Variants in TENM3 observed in about 807,000 individuals in gnomAD.
TENM3 encodes teneurin transmembrane protein 3.
A neutral mutation model predicts 255.1 loss-of-function variants in TENM3; 63 were observed. The observed-to-expected ratio is 0.25, with a 90% CI of 0.20 to 0.30. TENM3 has a LOEUF of 0.30. Among genes scored for constraint, TENM3 ranks in the 10% least tolerant of loss-of-function variants. The probability of loss-of-function intolerance (pLI) is 1.00; values close to 1 mark genes in which losing one functional copy is unlikely to be tolerated. For synonymous variants in TENM3, 1,306 were observed against 1,322.3 expected, an observed-to-expected ratio of 0.99 and a Z score of 0.27; for missense variants, 2,929 against 3,461.1, an observed-to-expected ratio of 0.85 and a Z score of 3.86.
intron 3 of TENM3, among the ~76,000 whole-genome samples, chr4:182,489,832 TTTCTTCC>T (rs1373332796): frequency 1.1e-5 from 1 of 87,530 alleles, no homozygotes; most frequent in African/African-American, 4.5e-5. Flanking sequence ...CCTCCCTTCC[TTTCTTCC>T]TCCCTCCTTC....
At chr4:182,674,288 TCA>T (rs897745424) in intron 7 of TENM3, among the ~76,000 whole-genome samples, 114 of 152,272 alleles carry the variant, frequency 7.5e-4, no homozygotes, top group African/African-American at 2.6e-3. Flanking sequence ...AGAAAAGTTA[TCA>T]CATATTAATA....
chr4:182,508,795 G>C (rs1175120588), intron 3 of TENM3, among the ~76,000 whole-genome samples: 1 of 152,170 alleles, frequency 6.6e-6, no homozygotes, highest in Non-Finnish European at 1.5e-5. Context: ...AAGCTTTCCA[G>C]CTTCCTACCT....
Position 182,793,081 on chromosome 4 carries a change from C to G in TENM3, c.6409C>G (p.Gln2137Glu). 3.1e-6 allele frequency: 5 copies of G among 1,613,964 alleles called. No homozygotes were observed. The highest frequency in any genetic ancestry group is 4.2e-6 in the Non-Finnish European group (5 of 1,179,886). The change falls in exon 26 of 28, where the codon CAG becomes GAG. Residue 2137 changes from glutamine to glutamate, a missense_variant. This residue lies in a region of TENM3 where 256 missense variants were observed against 389.3 expected (regional missense o/e 0.66). Coordinates refer to ENST00000511685, the MANE Select transcript of TENM3 (RefSeq NM_001080477.4). This position sits in a 1 kb window ranked among gnomAD's most constrained non-coding sequence, Gnocchi z 5.7. ...KYAYEYDVDG[Q>E]LQTVYLNEKI... Reference sequence around the variant, plus strand: ...TGCTTATGAATATGATGTTGATGGACAGCTCCAAACAGTTTACCTCAATGA... The same window carrying G: ...TGCTTATGAATATGATGTTGATGGAGAGCTCCAAACAGTTTACCTCAATGA...
At chr4:182,408,875 T>C (rs1017224026) in intron 3 of TENM3, among the ~76,000 whole-genome samples, 1 of 152,170 alleles carries the variant, frequency 6.6e-6, no homozygotes, top group African/African-American at 2.4e-5. Context: ...GCAGCCTCCT[T>C]CCCGTTAAAT....
chr4:181,515,617 G>T, the TENM3 span, among the ~76,000 whole-genome samples: 1 of 152,036 alleles, frequency 6.6e-6, no homozygotes, highest in Non-Finnish European at 1.5e-5. Context: ...TTCGAATTGT[G>T]TCTAGGGGTT....
At chr4:182,722,224 T>C (rs1405908161) in intron 13 of TENM3, among the ~76,000 whole-genome samples, 5 of 152,172 alleles carry the variant, frequency 3.3e-5, no homozygotes, top group Non-Finnish European at 5.9e-5. Flanking sequence ...AGAACATTTT[T>C]AAGTACCTAT....
At chr4:181,605,022 T>C in the TENM3 span, among the ~76,000 whole-genome samples, 1 of 152,234 alleles carries the variant, frequency 6.6e-6, no homozygotes, top group Non-Finnish European at 1.5e-5. Flanking sequence ...TGTAATATAG[T>C]CATGTAATCT....
At chr4:182,229,600 G>A (rs56826886) in intron 1 of TENM3, among the ~76,000 whole-genome samples, 4,332 of 151,764 alleles carry the variant, frequency 0.029, 194 homozygotes, top group African/African-American at 0.097. Context: ...GTGTGTGCGT[G>A]TGTATGTGTG....
chr4:182,653,357 G>A (rs1753491693), intron 5 of TENM3, among the ~76,000 whole-genome samples: 1 of 152,174 alleles, frequency 6.6e-6, no homozygotes, highest in African/African-American at 2.4e-5. Flanking sequence ...AGAGGATCAT[G>A]TCTCTTAAGA....
chr4:181,680,958 G>A, the TENM3 span, among the ~76,000 whole-genome samples: 1 of 152,080 alleles, frequency 6.6e-6, no homozygotes. Context: ...CAGCTAAAAT[G>A]TGAGCTAGAA....
At chr4:182,133,828 A>T in the TENM3 span, among the ~76,000 whole-genome samples, 2 of 152,238 alleles carry the variant, frequency 1.3e-5, no homozygotes, top group Non-Finnish European at 2.9e-5. Context: ...TAATAGGGAA[A>T]TGTTAAAACT....
At chr4:181,564,726 T>G in the TENM3 span, among the ~76,000 whole-genome samples, 2 of 152,206 alleles carry the variant, frequency 1.3e-5, no homozygotes, top group Non-Finnish European at 2.9e-5. Context: ...TTAAACCCAG[T>G]CAATCACTAT....
At chr4:181,703,165 G>A in the TENM3 span, among the ~76,000 whole-genome samples, 1 of 152,158 alleles carries the variant, frequency 6.6e-6, no homozygotes, top group Non-Finnish European at 1.5e-5. Flanking sequence ...GTCACTAAAG[G>A]ACACTGCCCC....
At position 182,542,875 on chromosome 4, in the gene TENM3, GCATT is replaced by G. The variant is rs375788806; in HGVS notation, c.512-58048_512-58045del. ...AATGAAAGTTTAAGCTTTTAACTAT[GCATT>G]AAGCTGTTGAATCCTCACAACAATT... On this transcript the variant is annotated intron_variant, in intron 3 of 27. Coordinates refer to ENST00000511685, the MANE Select transcript of TENM3 (RefSeq NM_001080477.4). Among the ~76,000 whole-genome samples the G allele has an allele frequency of 2.0e-4, 31 of 152,328 alleles. No homozygotes were observed. The East Asian group carries it at 2.5e-3, about 12-fold the overall frequency.
chr4:182,542,620 A>G (rs1740996892), intron 3 of TENM3, among the ~76,000 whole-genome samples: 1 of 152,086 alleles, frequency 6.6e-6, no homozygotes, highest in Admixed American at 6.5e-5. Context: ...TAAACTCTCT[A>G]CTTTCAAAGG....
intron 25 of TENM3, among the ~76,000 whole-genome samples, chr4:182,791,663 C>A (rs1766112686): frequency 6.6e-6 from 1 of 152,124 alleles, no homozygotes; most frequent in South Asian, 2.1e-4. Context: ...TATAATATTT[C>A]TATTAAGGGC....
At chr4:181,709,788 T>A in the TENM3 span, among the ~76,000 whole-genome samples, 1 of 152,192 alleles carries the variant, frequency 6.6e-6, no homozygotes, top group Admixed American at 6.5e-5. Flanking sequence ...AGTGGTTAGA[T>A]TCAGGACTTA....
chr4:181,727,234 T>C, the TENM3 span, among the ~76,000 whole-genome samples: 2 of 152,148 alleles, frequency 1.3e-5, no homozygotes, highest in Non-Finnish European at 2.9e-5. Flanking sequence ...CTGCTTCCCC[T>C]GGCACCCAGC....
chr4:181,811,831 C>T, the TENM3 span, among the ~76,000 whole-genome samples: 4 of 151,996 alleles, frequency 2.6e-5, no homozygotes, highest in Admixed American at 6.6e-5. Flanking sequence ...GGTGAGATTT[C>T]GGTGGGGACA....
Sources: allele counts gnomAD v4.1 joint callset (sites outside exome capture counted in the v4.1 genomes callset), GRCh38; gene constraint gnomAD v4.1.1; regional missense constraint gnomAD v4.1.1; non-coding constraint Gnocchi (gnomAD v3.1); transcripts MANE v1.5; gene names NCBI Gene and HGNC (gene_info 2026-07-23, HGNC 2026-07-21).